The following C5 variants were observed in gnomAD, a reference collection of about 807,000 sequenced individuals.
C5 encodes the protein complement C5, also known as C3 and PZP-like alpha-2-macroglobulin domain-containing protein 4.
A neutral mutation model predicts 218.8 loss-of-function variants in C5; 140 were observed. That is an observed-to-expected ratio of 0.64 (90% CI 0.56 to 0.74). The LOEUF is 0.74. Among genes scored for constraint, C5 ranks in the 30% least tolerant of loss-of-function variants. The pLI, the probability that C5 is intolerant of heterozygous loss-of-function variation, is 0.00. For missense variants in C5, 1,700 were observed against 1,969.6 expected, an observed-to-expected ratio of 0.86 and a Z score of 2.59; for synonymous variants, 614 against 682.3, an observed-to-expected ratio of 0.90 and a Z score of 1.56.
At chr9:121,056,249 A>G in the C5 span, among the ~76,000 whole-genome samples, 201 of 152,352 alleles carry the variant, frequency 1.3e-3, no homozygotes, top group Non-Finnish European at 2.4e-3. Context: ...GGCCTCACTG[A>G]ATGGACTGAA....
rs761105830 is a variant in C5, at chr9:120,962,940, T to A, written c.4351A>T (p.Thr1451Ser). ...TGTCCATCTTTGATTTGGTAATCAG[T>A]GAATAGTTGATCCACCCCTTCCACA... ...ALVEGVDQLFTDYQIKDGHVI... is the reference protein window; with the variant it reads ...ALVEGVDQLFSDYQIKDGHVI... The change falls in exon 35 of 41, where the codon ACT (threonine) becomes TCT (serine). Residue 1451 changes from threonine (T) to serine (S), a missense_variant. Thr to Ser is a moderately conservative substitution (Grantham distance 58). Transcript: ENST00000223642. 6.2e-7 allele frequency: 1 copy of A among 1,613,884 alleles called. No homozygotes were observed. The highest frequency in any genetic ancestry group is 1.7e-5 in the Admixed American group (1 of 59,996).
chr9:121,018,800 A>AG (rs1358331128), intron 12 of C5, among the ~76,000 whole-genome samples: 34 of 150,976 alleles, frequency 2.3e-4, no homozygotes, highest in Admixed American at 5.9e-4. Flanking sequence ...GAAGGAAGGA[A>AG]GAAAGAGTGA....
chr9:121,014,195 C>T, intron 16 of C5, 125 bp from the exon 17 acceptor site: 1 of 804,724 alleles, frequency 1.2e-6, no homozygotes, highest in South Asian at 1.4e-5. Context: ...ATAGTTATGG[C>T]TAGTTGACTG....
intron 20 of C5, among the ~76,000 whole-genome samples, chr9:120,998,066 G>T (rs1476338052): frequency 6.6e-6 from 1 of 152,130 alleles, no homozygotes; most frequent in Admixed American, 6.5e-5. Flanking sequence ...GCCTCCCAAA[G>T]TACTGGAATT....
At chr9:121,047,952 C>A (rs115303283) in intron 1 of C5, among the ~76,000 whole-genome samples, 1,536 of 152,238 alleles carry the variant, frequency 0.01, 22 homozygotes, top group African/African-American at 0.035. Context: ...GTCATTACAA[C>A]CACTCTGTGA....
At chr9:121,004,926 T>A (rs1340377964) in intron 20 of C5, among the ~76,000 whole-genome samples, 3 of 151,822 alleles carry the variant, frequency 2.0e-5, no homozygotes, top group African/African-American at 7.3e-5. Context: ...AAATGTATGA[T>A]AAAAATTTTA....
At chr9:121,066,775 GGGAGGT>G in the C5 span, among the ~76,000 whole-genome samples, 2 of 151,548 alleles carry the variant, frequency 1.3e-5, no homozygotes, top group African/African-American at 4.9e-5. Flanking sequence ...GCTTAAACCT[GGGAGGT>G]GGAGGTTACA....
intron 15 of C5, among the ~76,000 whole-genome samples, chr9:121,016,045 C>A (rs748387385): frequency 6.6e-6 from 1 of 152,106 alleles, no homozygotes; most frequent in Non-Finnish European, 1.5e-5. Flanking sequence ...TGGAGAGAGC[C>A]AGGGCGAAGA....
chr9:120,991,010 T>C (rs572049188), intron 23 of C5, among the ~76,000 whole-genome samples, 181 bp downstream of exon 23: 2 of 152,206 alleles, frequency 1.3e-5, no homozygotes, highest in African/African-American at 2.4e-5. Flanking sequence ...TGGAAGAAGA[T>C]AGTGGGAAAA....
In C5 at chr9:121,020,053, G is replaced by A. The variant is rs1473781803; in HGVS notation, c.1429C>T (p.Leu477=). 2 of 1,613,126 alleles carry A rather than the reference G, an allele frequency of 1.2e-6. No individual in the cohort carries two copies. The highest frequency in any genetic ancestry group is 3.3e-5 in the Admixed American group (2 of 60,020). ...ATAATATTCAGATGTTCTCCCACTA[G>A]CAAAGCCTTATGGTTATCAGTCCAA... ...IDWTDNHKAL[L]VGEHLNIIVT... The change falls in exon 12 of 41, where the codon CTA becomes TTA. Residue 477 remains leucine (L), a synonymous_variant. Transcript: ENST00000223642.
intron 17 of C5, 62 bp downstream of exon 17, chr9:121,013,811 G>C: frequency 7.2e-7 from 1 of 1,384,818 alleles, no homozygotes; most frequent in Admixed American, 1.7e-5. Flanking sequence ...TTTCTTAGCA[G>C]CATAAAATTA....
intron 1 of C5, among the ~76,000 whole-genome samples, chr9:121,048,058 T>C (rs1456710776): frequency 6.6e-6 from 1 of 152,186 alleles, no homozygotes; most frequent in Non-Finnish European, 1.5e-5. Flanking sequence ...TCACAAATTA[T>C]AGAATTAGAA....
At chr9:121,035,151 G>A (rs547000501) in intron 4 of C5, among the ~76,000 whole-genome samples, 115 of 10,562 alleles carry the variant, frequency 0.011, no homozygotes, top group Middle Eastern at 0.062. Flanking sequence ...CTCAACTCTC[G>A]TTGTACATCT....
At chr9:120,957,729 C>T (rs1025760515) in intron 38 of C5, among the ~76,000 whole-genome samples, 12 of 152,232 alleles carry the variant, frequency 7.9e-5, no homozygotes, top group Admixed American at 2.6e-4. Context: ...AGAGCCCCTT[C>T]ATTCTCTTCT....
chr9:121,037,771 C>T, intron 4 of C5, 110 bp downstream of exon 4: 1 of 566,672 alleles, frequency 1.8e-6, no homozygotes, highest in Non-Finnish European at 3.2e-6. Context: ...GTTCAATAAC[C>T]ATTTATGGAA....
In C5 at chr9:121,016,402, T is replaced by C. The variant is rs756539050; in HGVS notation, c.1867-19A>G. ...GAAATACCTGTCCAGAAAGGCAAAA[T>C]GTTGAGCACATTGAGATGTATAAAT... On this transcript the variant is annotated intron_variant, in intron 14 of 40. Coordinates refer to ENST00000223642, the MANE Select transcript of C5 (RefSeq NM_001735.3). 6.2e-7 allele frequency: 1 copy of C among 1,613,782 alleles called. No individual in the cohort carries two copies. The highest frequency in any genetic ancestry group is 8.5e-7 in the Non-Finnish European group (1 of 1,179,750).
chr9:120,980,348 C>G, intron 27 of C5, 94 bp from the exon 28 acceptor site: 1 of 1,067,746 alleles, frequency 9.4e-7, no homozygotes, highest in Admixed American at 1.8e-5. Flanking sequence ...CTGGAGCAAG[C>G]AATATGGGGG....
chr9:120,984,968 C>T (rs1345798952), intron 25 of C5, among the ~76,000 whole-genome samples: 1 of 151,840 alleles, frequency 6.6e-6, no homozygotes, highest in Non-Finnish European at 1.5e-5. Context: ...GTGATCCACC[C>T]GCCTCAGCCT....
At chr9:121,017,247 G>T in intron 14 of C5, 115 bp downstream of exon 14, 1 of 1,204,436 alleles carries the variant, frequency 8.3e-7, no homozygotes, top group Non-Finnish European at 1.2e-6. Flanking sequence ...CTAAAAATGA[G>T]TATGTTGAGT....
Sources: gnomAD v4.1 joint callset for allele counts (sites outside exome capture counted in the v4.1 genomes callset) on GRCh38, gnomAD v4.1.1 for gene constraint, MANE v1.5 for transcripts, NCBI Gene and HGNC (gene_info 2026-07-23, HGNC 2026-07-21) for gene names.